The following MORN5 variants were observed in gnomAD, a reference collection of about 807,000 sequenced individuals.
MORN5 encodes MORN repeat-containing protein 5.
A neutral mutation model predicts 22.1 loss-of-function variants in MORN5; 21 were observed. The observed-to-expected ratio is 0.95, with a 90% confidence interval of 0.67 to 1.37. The LOEUF is 1.37. Ranked by LOEUF, MORN5 falls within the 40% of genes most tolerant of loss-of-function variation. MORN5 has a pLI of 0.00. For missense variants in MORN5, 211 were observed against 215.1 expected (o/e 0.98, Z 0.12); for synonymous variants, 73 against 74.0 (o/e 0.99, Z 0.07).
In MORN5 at chr9:122,193,016, G is replaced by A. The variant is rs552256708; in HGVS notation, c.440-6869G>A. On this transcript the variant is annotated intron_variant, in intron 4 of 4. Coordinates refer to ENST00000373764, the MANE Select transcript of MORN5 (RefSeq NM_198469.4). ...CCATCAAAAGTAAATGGTACAGGCT[G>A]GAGGGGGTGACTACAACGAACACTG... Among the ~76,000 whole-genome samples, 11 of 151,950 alleles carry A rather than the reference G, an allele frequency of 7.2e-5. No individual in the cohort carries two copies. The East Asian group carries it at 2.1e-3, about 29-fold the overall frequency.
At chr9:122,193,857 G>A (rs1829829200) in intron 4 of MORN5, among the ~76,000 whole-genome samples, 1 of 152,150 alleles carries the variant, frequency 6.6e-6, no homozygotes, top group Non-Finnish European at 1.5e-5. Flanking sequence ...GCATTTTACA[G>A]TGCGAGGGGA....
chr9:122,167,006 C>G, intron 2 of MORN5, 91 bp downstream of exon 2: 1 of 1,290,346 alleles, frequency 7.7e-7, no homozygotes, highest in Non-Finnish European at 1.1e-6. Flanking sequence ...CTGTCTGGTG[C>G]CCACCTTGTT....
chr9:122,182,325 C>T (rs555177905), intron 4 of MORN5, among the ~76,000 whole-genome samples: 8 of 152,232 alleles, frequency 5.3e-5, no homozygotes, highest in Admixed American at 2.6e-4. Context: ...TAGCACATAA[C>T]AGAAGGCCAT....
At position 122,169,984 on chromosome 9, in the gene MORN5, C is replaced by T. The variant is rs184361737; in HGVS notation, c.307+228C>T. 2.0e-5 allele frequency among the ~76,000 whole-genome samples: 3 copies of T among 152,318 alleles called. No homozygotes were observed. In the East Asian group the frequency reaches 5.8e-4, roughly 29 times the overall value. On this transcript the variant is annotated intron_variant, in intron 3 of 4. Transcript: ENST00000373764. ...TGGGCAAGGGACTTTACCCACTGCG[C>T]CTCAGTTTCTCCCCTTCAAAATGGA...
intron 1 of MORN5, among the ~76,000 whole-genome samples, chr9:122,162,798 G>A (rs1829221936): frequency 6.6e-6 from 1 of 152,210 alleles, no homozygotes; most frequent in Non-Finnish European, 1.5e-5. Context: ...AAGTAGATCA[G>A]TAGTCACCTA....
chr9:122,191,325 C>T (rs1327410554), intron 4 of MORN5, among the ~76,000 whole-genome samples: 1 of 152,232 alleles, frequency 6.6e-6, no homozygotes, highest in African/African-American at 2.4e-5. Flanking sequence ...TACACACACA[C>T]CTGTGTCTGT....
intron 4 of MORN5, among the ~76,000 whole-genome samples, chr9:122,176,096 C>G (rs984257729): frequency 2.2e-5 from 3 of 134,360 alleles, no homozygotes; most frequent in African/African-American, 8.6e-5. Context: ...CCAGCCTGGG[C>G]GACAGAGCAA....
rs1439824715 is a variant in MORN5 at position 122,199,896 on chromosome 9, C to A, written c.451C>A (p.His151Asn). ...RFLRNADDDE[H>N]EWITRTCRKG is the part of the protein sequence containing the mutation. ...CTCTTTCCTTGCAGATGATGACGAGCATGAGTGGATCACCCGTACCTGTCG... is the reference window on the plus strand; with the variant it reads ...CTCTTTCCTTGCAGATGATGACGAGAATGAGTGGATCACCCGTACCTGTCG... The change falls in exon 5 of 5, where the codon CAT (histidine) becomes AAT (asparagine). Residue 151 changes from histidine to asparagine, a missense_variant. Physicochemically the swap from His to Asn is moderately conservative, Grantham distance 68 (BLOSUM62 1). Coordinates refer to ENST00000373764, the MANE Select transcript of MORN5 (RefSeq NM_198469.4). 3 of 1,613,834 alleles carry A rather than the reference C, an allele frequency of 1.9e-6. No individual in the cohort carries two copies. The highest frequency in any genetic ancestry group is 2.5e-6 in the Non-Finnish European group (3 of 1,179,846).
intron 1 of MORN5, among the ~76,000 whole-genome samples, chr9:122,162,723 A>G (rs368336542): frequency 1.6e-4 from 24 of 152,366 alleles, no homozygotes; most frequent in African/African-American, 5.8e-4. Context: ...CAGACAAAAA[A>G]AGAGTAGATA....
intron 4 of MORN5, among the ~76,000 whole-genome samples, chr9:122,186,835 C>T (rs187039978): frequency 5.9e-5 from 9 of 152,268 alleles, no homozygotes; most frequent in South Asian, 4.2e-4. Context: ...CCTATGAGGC[C>T]GGAGCCTACT....
At chr9:122,180,446 G>C (rs9695109) in intron 4 of MORN5, among the ~76,000 whole-genome samples, 72,655 of 151,590 alleles carry the variant, frequency 0.48, 18,053 homozygotes, top group African/African-American at 0.53. Flanking sequence ...CCACCACACC[G>C]AGCTAATTTC....
At chr9:122,173,747 G>A (rs1392311476) in intron 3 of MORN5, among the ~76,000 whole-genome samples, 1 of 152,146 alleles carries the variant, frequency 6.6e-6, no homozygotes, top group Non-Finnish European at 1.5e-5. Flanking sequence ...CTGGTCCTGT[G>A]GCTGCACCTA....
At chr9:122,166,280 T>TTATATATATATA (rs145965768) in intron 1 of MORN5, among the ~76,000 whole-genome samples, 8,999 of 149,516 alleles carry the variant, frequency 0.06, 965 homozygotes, top group African/African-American at 0.22. Flanking sequence ...GTATCCAAGA[T>TTATATATATATA]TATATATATA....
At chr9:122,176,098 A>C (rs111765569) in intron 4 of MORN5, among the ~76,000 whole-genome samples, 1,855 of 149,468 alleles carry the variant, frequency 0.012, 46 homozygotes, top group African/African-American at 0.044. Context: ...AGCCTGGGCG[A>C]CAGAGCAAGA....
intron 4 of MORN5, among the ~76,000 whole-genome samples, chr9:122,183,461 CATT>C (rs1829566363): frequency 6.6e-6 from 1 of 152,186 alleles, no homozygotes; most frequent in Non-Finnish European, 1.5e-5. Context: ...ATGAAAGACA[CATT>C]ATTAATATTC....
chr9:122,182,450 C>G (rs1829550161), intron 4 of MORN5, among the ~76,000 whole-genome samples: 2 of 152,218 alleles, frequency 1.3e-5, no homozygotes, highest in Non-Finnish European at 2.9e-5. Flanking sequence ...CTGTGCCAAG[C>G]ACTTTAACAG....
intron 4 of MORN5, among the ~76,000 whole-genome samples, chr9:122,182,086 T>C (rs1829544513): frequency 6.6e-6 from 1 of 152,226 alleles, no homozygotes; most frequent in Non-Finnish European, 1.5e-5. Flanking sequence ...CTTTGGGATC[T>C]GCAAATGCTT....
At chr9:122,188,376 C>T (rs367549456) in intron 4 of MORN5, among the ~76,000 whole-genome samples, 8 of 152,240 alleles carry the variant, frequency 5.3e-5, no homozygotes, top group Admixed American at 1.3e-4. Context: ...TGTCTTTCCA[C>T]GACTGCTGTG....
Position 122,200,000 on chromosome 9 carries a change from C to T in MORN5, c.*69C>T. ...TGCCTCCACCAGAGGTTTCCATCTG[C>T]CCTACTAGCATTGGCTGCCCTGGGG... is the stretch of plus-strand genomic sequence containing the variant. On this transcript the variant is annotated 3_prime_UTR_variant, in exon 5 of 5. Transcript: ENST00000373764. 6.6e-7 allele frequency: 1 copy of T among 1,520,386 alleles called. No individual in the cohort carries two copies. The highest frequency in any genetic ancestry group is 1.1e-5 in the South Asian group (1 of 89,092). 94.2% of individuals were successfully genotyped at this position (1,520,386 alleles called of 1,614,324 possible).
Sources: allele counts gnomAD v4.1 joint callset (sites outside exome capture counted in the v4.1 genomes callset), GRCh38; gene constraint gnomAD v4.1.1; transcripts MANE v1.5; gene names NCBI Gene and HGNC (gene_info 2026-07-23, HGNC 2026-07-21).